FRYL: variants seen among roughly 807,000 people sequenced by gnomAD.
FRYL encodes protein furry homolog-like.
FRYL carries 150 observed loss-of-function variants against 351.2 expected under a neutral mutation model. The observed-to-expected ratio is 0.43, with a 90% CI of 0.37 to 0.49. The LOEUF is 0.49. FRYL is among the 20% of genes least tolerant of loss of function. The pLI is 0.00. For missense variants in FRYL, 3,036 were observed against 3,619.3 expected, an observed-to-expected ratio of 0.84 and a Z score of 4.13; for synonymous variants, 1,153 against 1,257.1, an observed-to-expected ratio of 0.92 and a Z score of 1.75.
chr4:48,640,006 A>C (rs1755016628), intron 3 of FRYL, among the ~76,000 whole-genome samples: 1 of 152,194 alleles, frequency 6.6e-6, no homozygotes, highest in African/African-American at 2.4e-5. Context: ...AACTGACAAC[A>C]GCAAATGCGG....
At chr4:48,697,688 A>T (rs1288996064) in intron 2 of FRYL, among the ~76,000 whole-genome samples, 2 of 152,160 alleles carry the variant, frequency 1.3e-5, no homozygotes, top group African/African-American at 2.4e-5. Context: ...TATGCTGGTC[A>T]CGCTGGTCTT....
chr4:48,653,468 C>T (rs909275558), intron 3 of FRYL, among the ~76,000 whole-genome samples: 4 of 151,922 alleles, frequency 2.6e-5, no homozygotes, highest in Non-Finnish European at 5.9e-5. Flanking sequence ...CAGAATAACA[C>T]AAATTACCAA....
At chr4:48,771,929 C>G (rs2109418343) in intron 1 of FRYL, among the ~76,000 whole-genome samples, 1 of 152,244 alleles carries the variant, frequency 6.6e-6, no homozygotes, top group African/African-American at 2.4e-5. Context: ...AAGTAATAAG[C>G]AAATCAACCC....
chr4:48,656,393 T>TATA (rs1403582398), intron 3 of FRYL, among the ~76,000 whole-genome samples: 25 of 127,878 alleles, frequency 2.0e-4, no homozygotes, highest in Admixed American at 7.9e-4. Flanking sequence ...TAATATATAA[T>TATA]TAATATATAA....
At chr4:48,713,676 A>G (rs1468761790) in intron 1 of FRYL, among the ~76,000 whole-genome samples, 1 of 152,140 alleles carries the variant, frequency 6.6e-6, no homozygotes, top group East Asian at 1.9e-4. Context: ...ATAATGGGAG[A>G]CTTTAACACC....
chr4:48,632,736 T>C (rs1271204046), intron 4 of FRYL, among the ~76,000 whole-genome samples: 1 of 152,138 alleles, frequency 6.6e-6, no homozygotes, highest in South Asian at 2.1e-4. Flanking sequence ...TCCCGGAACA[T>C]ATTATTTCAT....
intron 1 of FRYL, among the ~76,000 whole-genome samples, chr4:48,715,383 C>G (rs1447654697): frequency 6.6e-6 from 1 of 152,196 alleles, no homozygotes; most frequent in Non-Finnish European, 1.5e-5. Flanking sequence ...CCCATCGTCT[C>G]AGCCCAAAAT....
rs1767886714 is a variant in FRYL, at chr4:48,710,515, T to A, written c.-204+4A>T. 1 of 398,490 alleles carries A rather than the reference T, an allele frequency of 2.5e-6. No homozygotes were observed. Among genetic ancestry groups the A allele is most frequent in the Non-Finnish European group, 4.4e-6 (1 of 226,062 alleles). The allele number at this position is 398,490 out of a possible 1,614,324, so 24.7% of individuals were successfully genotyped here. A position where few individuals can be genotyped will look rare whatever the true frequency, so the allele number is the denominator to read the frequency against. On this transcript the variant is annotated splice_donor_region_variant and intron_variant, in intron 2 of 63. Transcript: ENST00000358350. ...TAGAAAAGAGGAAATATACATGTCC[T>A]TACCACTTAGAAATGGTTGTTGAGG... is the stretch of plus-strand genomic sequence containing the variant.
At chr4:48,689,676 T>C (rs924513805) in intron 2 of FRYL, among the ~76,000 whole-genome samples, 4 of 152,210 alleles carry the variant, frequency 2.6e-5, no homozygotes, top group African/African-American at 7.2e-5. Flanking sequence ...CTTGCGGAGT[T>C]TACATTCCAG....
intron 1 of FRYL, among the ~76,000 whole-genome samples, chr4:48,779,233 C>T (rs1221681625): frequency 2.6e-5 from 4 of 152,214 alleles, no homozygotes; most frequent in African/African-American, 9.6e-5. Context: ...CATCAAACGG[C>T]AAATAAAAGT....
chr4:48,734,126 A>T (rs1771024753), intron 1 of FRYL, among the ~76,000 whole-genome samples: 1 of 152,184 alleles, frequency 6.6e-6, no homozygotes, highest in Admixed American at 6.5e-5. Context: ...GTCAGAGTGG[A>T]TCAAAAAAAC....
chr4:48,753,757 A>G (rs568816496), intron 1 of FRYL, among the ~76,000 whole-genome samples: 6 of 152,046 alleles, frequency 3.9e-5, no homozygotes, highest in African/African-American at 1.4e-4. Flanking sequence ...GAACTTTATA[A>G]TTTTAACTTT....
chr4:48,581,677 A>G, intron 20 of FRYL, 72 bp from the exon 21 acceptor site: 1 of 1,250,998 alleles, frequency 8.0e-7, no homozygotes. Context: ...AGTTAATAAA[A>G]AATAAAGCAA....
In FRYL at chr4:48,577,566, G is replaced by A. The variant is rs1261964134; in HGVS notation, c.2529-1344C>T. On this transcript the variant is annotated intron_variant, in intron 23 of 63. Coordinates refer to ENST00000358350, the MANE Select transcript of FRYL (RefSeq NM_015030.2). ...GAAATAAATAAAACAATGTCAGATG[G>A]TGCTAAGTTTGATGAAGAAAAATAG... Among the ~76,000 whole-genome samples the A allele has an allele frequency of 3.3e-5, 5 of 152,178 alleles. No homozygotes were observed. The East Asian group carries it at 9.6e-4, about 29-fold the overall frequency.
At chr4:48,681,424 T>TA (rs1416529648) in intron 3 of FRYL, among the ~76,000 whole-genome samples, 1 of 152,136 alleles carries the variant, frequency 6.6e-6, no homozygotes, top group Non-Finnish European at 1.5e-5. Context: ...ATATTGAGCG[T>TA]CCATCTAGTT....
rs1019270163 is a variant in FRYL, at chr4:48,512,400, G to A, written c.8145+81C>T. The A allele has an allele frequency of 6.1e-5, 69 of 1,126,128 alleles. 2 individuals carry two copies. Among genetic ancestry groups the A allele is most frequent in the South Asian group, 3.5e-4 (24 of 67,810 alleles). The allele number at this position is 1,126,128 out of a possible 1,614,324, so 69.8% of individuals were successfully genotyped here. On this transcript the variant is annotated intron_variant, in intron 57 of 63. Transcript: ENST00000358350. ...TAAAACTGGTAGGAATATTAAAATC[G>A]GAGATGCTGATTTTAGAAGAAAAAC...
intron 4 of FRYL, among the ~76,000 whole-genome samples, chr4:48,627,612 G>A (rs1383971996): frequency 4.0e-5 from 6 of 151,746 alleles, no homozygotes; most frequent in African/African-American, 7.3e-5. Context: ...AAAAGGATAC[G>A]TTATCCAAAA....
chr4:48,587,631 C>T (rs1176975600), intron 18 of FRYL, among the ~76,000 whole-genome samples: 2 of 152,066 alleles, frequency 1.3e-5, no homozygotes, highest in Non-Finnish European at 2.9e-5. Flanking sequence ...GTAACCTCCG[C>T]CTCCCGGGTT....
chr4:48,519,318 C>T (rs1244364165), intron 55 of FRYL, among the ~76,000 whole-genome samples: 1 of 152,118 alleles, frequency 6.6e-6, no homozygotes, highest in Non-Finnish European at 1.5e-5. Flanking sequence ...ACACATCATG[C>T]TATTTCACAC....
Sources: allele counts gnomAD v4.1 joint callset (sites outside exome capture counted in the v4.1 genomes callset), GRCh38; gene constraint gnomAD v4.1.1; transcripts MANE v1.5; gene names NCBI Gene and HGNC (gene_info 2026-07-23, HGNC 2026-07-21).